Variants in NRXN3 observed in about 807,000 individuals in gnomAD.
The protein encoded by NRXN3 is neurexin 3, also known as neurexin III.
In NRXN3, 32 loss-of-function variants were observed where a neutral mutation model predicts 137.6. The observed-to-expected ratio is 0.23, with a 90% CI of 0.18 to 0.31. The LOEUF (loss-of-function observed/expected upper bound fraction) is 0.31. Ranked by LOEUF, NRXN3 falls within the 10% of genes least tolerant of loss-of-function variation. The pLI, the probability that NRXN3 is intolerant of heterozygous loss-of-function variation, is 1.00. For missense variants in NRXN3, 1,574 were observed against 2,062.5 expected, an observed-to-expected ratio of 0.76 and a Z score of 4.59; for synonymous variants, 798 against 784.5, an observed-to-expected ratio of 1.02 and a Z score of -0.29.
At chr14:78,200,388 C>T (rs2153392464) in intron 1 of NRXN3, among the ~76,000 whole-genome samples, 1 of 152,266 alleles carries the variant, frequency 6.6e-6, no homozygotes, top group African/African-American at 2.4e-5. Flanking sequence ...GGATGTCAGT[C>T]TTACTGAAAC....
At chr14:79,196,029 A>C (rs73325827) in intron 15 of NRXN3, among the ~76,000 whole-genome samples, 7,233 of 152,216 alleles carry the variant, frequency 0.048, 612 homozygotes, top group African/African-American at 0.17. Context: ...ACTTAAGAAA[A>C]ATACCAGATT....
intron 15 of NRXN3, among the ~76,000 whole-genome samples, chr14:79,059,351 G>A (rs966461843): frequency 1.6e-4 from 24 of 145,870 alleles, no homozygotes; most frequent in African/African-American, 5.1e-4. Context: ...TCCGCCTCCC[G>A]GGTTCATGCC....
chr14:78,309,432 A>T (rs529090766), intron 4 of NRXN3, among the ~76,000 whole-genome samples: 2 of 151,768 alleles, frequency 1.3e-5, no homozygotes, highest in South Asian at 4.2e-4. Context: ...TAGTTTTTCC[A>T]TCCTCTTTCT....
intron 4 of NRXN3, among the ~76,000 whole-genome samples, chr14:78,412,455 T>C (rs529452425): frequency 6.3e-4 from 96 of 152,340 alleles, no homozygotes; most frequent in Non-Finnish European, 7.2e-4. Context: ...CATTGATTGA[T>C]ACGCACATTG....
At chr14:79,263,859 A>G (rs1028818672) in intron 15 of NRXN3, among the ~76,000 whole-genome samples, 6 of 152,112 alleles carry the variant, frequency 3.9e-5, no homozygotes, top group Non-Finnish European at 8.8e-5. Flanking sequence ...TGTAAATGAC[A>G]CCACCTTGGA....
chr14:79,795,771 T>C (rs1414522529), intron 19 of NRXN3, among the ~76,000 whole-genome samples: 3 of 152,190 alleles, frequency 2.0e-5, no homozygotes, highest in Non-Finnish European at 4.4e-5. Context: ...TTCTAGAAGT[T>C]GTATTTTATA....
chr14:78,464,679 A>G (rs763440930), intron 4 of NRXN3, among the ~76,000 whole-genome samples: 3 of 152,248 alleles, frequency 2.0e-5, no homozygotes, highest in Non-Finnish European at 4.4e-5. Flanking sequence ...AACAGCATGA[A>G]GAGTAAAATT....
At chr14:79,452,081 A>C (rs1449867535) in intron 15 of NRXN3, among the ~76,000 whole-genome samples, 1 of 152,098 alleles carries the variant, frequency 6.6e-6, no homozygotes, top group Non-Finnish European at 1.5e-5. Flanking sequence ...AAGAACTTTC[A>C]ATTTCCTTTT....
At chr14:79,708,499 T>C (rs550594497) in intron 19 of NRXN3, among the ~76,000 whole-genome samples, 253 of 42,810 alleles carry the variant, frequency 5.9e-3, no homozygotes, top group African/African-American at 0.033. Flanking sequence ...GTAAGAATTG[T>C]TTTTTTTTTT....
Position 78,715,146 on chromosome 14 carries a change from C to G in NRXN3, c.2044+7C>G. The G allele has an allele frequency of 6.2e-7, 1 of 1,602,762 alleles. No individual in the cohort carries two copies. Among genetic ancestry groups the G allele is most frequent in the South Asian group, 1.1e-5 (1 of 90,916 alleles). ...GGAAGAACCTGCGAAAGGGGTGAGT[C>G]GGCCTAGAGGATGGCAAGTGAGGGC... On this transcript the variant is annotated splice_region_variant and intron_variant, in intron 8 of 20. Coordinates refer to ENST00000335750, the MANE Select transcript of NRXN3 (RefSeq NM_001330195.2).
chr14:78,309,263 C>G (rs555185734), intron 4 of NRXN3, among the ~76,000 whole-genome samples: 69 of 151,392 alleles, frequency 4.6e-4, no homozygotes, highest in Admixed American at 1.4e-3. Context: ...TTGTCATCTT[C>G]CAAAAAAATT....
chr14:78,648,770 C>A (rs927790849), intron 5 of NRXN3, among the ~76,000 whole-genome samples: 4 of 152,108 alleles, frequency 2.6e-5, no homozygotes, highest in Admixed American at 2.6e-4. Flanking sequence ...AAAAAGTAAA[C>A]CCCAAAATAT....
intron 15 of NRXN3, among the ~76,000 whole-genome samples, chr14:79,262,859 G>C (rs961503289): frequency 6.6e-6 from 1 of 152,124 alleles, no homozygotes; most frequent in African/African-American, 2.4e-5. Context: ...GGTACAAAGC[G>C]AAGAAGGAGG....
chr14:78,885,718 T>A (rs181088741), intron 10 of NRXN3, among the ~76,000 whole-genome samples: 7 of 152,230 alleles, frequency 4.6e-5, no homozygotes, highest in Admixed American at 4.6e-4. Context: ...ATCTTATTAT[T>A]AATGAACAGA....
chr14:79,772,115 G>T (rs1419760133), intron 19 of NRXN3, among the ~76,000 whole-genome samples: 3 of 151,014 alleles, frequency 2.0e-5, no homozygotes, highest in African/African-American at 4.9e-5. Flanking sequence ...CACTGCTCAA[G>T]GGAATAAAAG....
chr14:79,594,389 T>G (rs532595390), intron 16 of NRXN3, among the ~76,000 whole-genome samples: 1 of 152,274 alleles, frequency 6.6e-6, no homozygotes, highest in East Asian at 1.9e-4. Context: ...ATGTCATATC[T>G]TTCAGATATT....
chr14:78,514,026 C>T (rs1396214620), intron 4 of NRXN3, among the ~76,000 whole-genome samples: 4 of 152,098 alleles, frequency 2.6e-5, no homozygotes, highest in African/African-American at 9.7e-5. Context: ...CTATGTGCAT[C>T]TTTGTTCTAA....
intron 15 of NRXN3, among the ~76,000 whole-genome samples, chr14:79,414,686 C>A (rs1389713433): frequency 6.6e-6 from 1 of 152,040 alleles, no homozygotes; most frequent in Admixed American, 6.6e-5. Flanking sequence ...CATCACCTCA[C>A]ATAGCTACCG....
intron 19 of NRXN3, among the ~76,000 whole-genome samples, chr14:79,699,507 T>C (rs2098747037): frequency 6.6e-6 from 1 of 152,004 alleles, no homozygotes; most frequent in South Asian, 2.1e-4. Context: ...GATTTAATGT[T>C]ACACGGGGAT....
Sources: allele counts gnomAD v4.1 joint callset (sites outside exome capture counted in the v4.1 genomes callset), GRCh38; gene constraint gnomAD v4.1.1; transcripts MANE v1.5; gene names NCBI Gene and HGNC (gene_info 2026-07-23, HGNC 2026-07-21).